MDGA2: variants seen among roughly 807,000 people sequenced by gnomAD.
The protein encoded by MDGA2 is MAM domain containing glycosylphosphatidylinositol anchor 2.
A neutral mutation model predicts 117.8 loss-of-function variants in MDGA2; 40 were observed. The observed-to-expected ratio is 0.34, with a 90% CI of 0.26 to 0.44. MDGA2 has a LOEUF of 0.44. Among genes scored for constraint, MDGA2 ranks in the 20% least tolerant of loss-of-function variants. The pLI is 1.00. For missense variants in MDGA2, 1,123 were observed against 1,250.6 expected (o/e 0.90, Z 1.54); for synonymous variants, 452 against 439.0 (o/e 1.03, Z -0.37).
chr14:46,967,734 G>A (rs1404666535), intron 8 of MDGA2, among the ~76,000 whole-genome samples: 1 of 152,118 alleles, frequency 6.6e-6, no homozygotes, highest in Non-Finnish European at 1.5e-5. Context: ...CTTGCAGATA[G>A]TACTGAACAC....
chr14:47,381,732 A>G (rs1329565642), intron 1 of MDGA2, among the ~76,000 whole-genome samples: 1 of 152,230 alleles, frequency 6.6e-6, no homozygotes, highest in Non-Finnish European at 1.5e-5. Flanking sequence ...AAATGGAAGA[A>G]CATTCCATGC....
At chr14:47,666,782 G>C (rs1897979914) in intron 1 of MDGA2, among the ~76,000 whole-genome samples, 1 of 152,048 alleles carries the variant, frequency 6.6e-6, no homozygotes, top group Non-Finnish European at 1.5e-5. Context: ...TCACTCTTTG[G>C]GTACACATTG....
In MDGA2 at chr14:47,120,650, T is replaced by C. The variant is rs368067147; in HGVS notation, c.925+11064A>G. On this transcript the variant is annotated intron_variant, in intron 5 of 16. Coordinates refer to ENST00000399232, the MANE Select transcript of MDGA2 (RefSeq NM_001113498.3). ...GAACAGCTGAAATTACTGTGATGCT[T>C]TGGAAATAATTGCCACAACTGCAGA... 1.2e-3 allele frequency among the ~76,000 whole-genome samples: 186 copies of C among 152,306 alleles called. 1 individual carries two copies. Among genetic ancestry groups the C allele is most frequent in the African/African-American group, 4.1e-3 (172 of 41,570 alleles).
intron 3 of MDGA2, among the ~76,000 whole-genome samples, chr14:47,152,653 T>A (rs139804168): frequency 6.6e-6 from 1 of 151,908 alleles, no homozygotes; most frequent in Non-Finnish European, 1.5e-5. Flanking sequence ...AGTTTACAAG[T>A]AGCCTACAGT....
intron 1 of MDGA2, among the ~76,000 whole-genome samples, chr14:47,360,318 T>C (rs2138368442): frequency 6.7e-6 from 1 of 149,776 alleles, no homozygotes; most frequent in East Asian, 2.0e-4. Context: ...GCCATTGCAC[T>C]CCAGCCTGGG....
At chr14:46,956,348 G>C (rs1459552552) in intron 9 of MDGA2, among the ~76,000 whole-genome samples, 1 of 151,838 alleles carries the variant, frequency 6.6e-6, no homozygotes, top group African/African-American at 2.4e-5. Flanking sequence ...ATAATGTACA[G>C]TATATAGATT....
At chr14:47,539,329 C>A (rs2138750666) in intron 1 of MDGA2, among the ~76,000 whole-genome samples, 1 of 152,280 alleles carries the variant, frequency 6.6e-6, no homozygotes, top group Non-Finnish European at 1.5e-5. Context: ...CACACCAGAA[C>A]CAGGAAAAGA....
Position 47,096,934 on chromosome 14 carries a change from T to C in MDGA2, c.1115A>G (p.Asp372Gly), listed in dbSNP as rs1357722646. The C allele has an allele frequency of 1.2e-6, 2 of 1,613,134 alleles. No individual in the cohort carries two copies. Among genetic ancestry groups the C allele is most frequent in the Middle Eastern group, 1.6e-4 (1 of 6,082 alleles). ...AATGCAGCTGTAAGTACCAGCATCA[T>C]CTGAGGTGATGGCAGGTATGGTCAA... ...GTLTIPAITS[D>G]DAGTYSCIAN... Residue 372 changes from aspartate to glycine, a missense_variant, in exon 6 of 17, where the codon GAT becomes GGT. Asp to Gly is a moderately conservative substitution (Grantham distance 94). This residue lies in a region of MDGA2 where 890 missense variants were observed against 1,050.3 expected (regional missense o/e 0.85). Coordinates refer to ENST00000399232, the MANE Select transcript of MDGA2 (RefSeq NM_001113498.3).
intron 1 of MDGA2, among the ~76,000 whole-genome samples, chr14:47,312,813 A>G (rs1889685009): frequency 6.8e-6 from 1 of 146,492 alleles, no homozygotes; most frequent in African/African-American, 2.5e-5. Context: ...TTCAGGCATG[A>G]GCCACCATGC....
intron 1 of MDGA2, among the ~76,000 whole-genome samples, chr14:47,494,740 A>G (rs1238193915): frequency 6.6e-6 from 1 of 151,732 alleles, no homozygotes; most frequent in Non-Finnish European, 1.5e-5. Flanking sequence ...TTTTCTGTAT[A>G]TGGTTATCCA....
In MDGA2 at chr14:47,383,983, T is replaced by TGATAGATAGATAGATAGATA. The variant is rs11439713; in HGVS notation, c.281-82453_281-82434dup. Among the ~76,000 whole-genome samples the TGATAGATAGATAGATAGATA allele has an allele frequency of 9.9e-3, 1,408 of 141,750 alleles. 12 individuals carry two copies. Among genetic ancestry groups the TGATAGATAGATAGATAGATA allele is most frequent in the South Asian group, 0.011 (47 of 4,128 alleles). The allele number at this position is 141,750 out of a possible 152,430, so 93.0% of individuals were successfully genotyped here. Reference sequence around the variant, plus strand: ...CTATGTATAGAGTTAAATAGATAGATGATAGATAGATAGATAGATAGATAG... The same window carrying TGATAGATAGATAGATAGATA: ...CTATGTATAGAGTTAAATAGATAGATGATAGATAGATAGATAGATAGATAGATAGATAGATAGATAGATAG... On this transcript the variant is annotated intron_variant, in intron 1 of 16. Coordinates refer to ENST00000399232, the MANE Select transcript of MDGA2 (RefSeq NM_001113498.3).
chr14:47,492,980 T>C (rs1894203345), intron 1 of MDGA2, among the ~76,000 whole-genome samples: 1 of 152,150 alleles, frequency 6.6e-6, no homozygotes, highest in Non-Finnish European at 1.5e-5. Context: ...TTTTCTCTAA[T>C]GCTACATTTA....
intron 1 of MDGA2, among the ~76,000 whole-genome samples, chr14:47,445,069 G>A (rs777506731): frequency 6.6e-6 from 1 of 152,068 alleles, no homozygotes; most frequent in Non-Finnish European, 1.5e-5. Context: ...GAGAGAAAGT[G>A]GAAAAGATGG....
At chr14:47,599,818 T>C (rs1001742740) in intron 1 of MDGA2, among the ~76,000 whole-genome samples, 4 of 152,154 alleles carry the variant, frequency 2.6e-5, no homozygotes, top group African/African-American at 9.7e-5. Context: ...GATTATTCTG[T>C]GTCATCGTCC....
In MDGA2 at chr14:47,348,167, A is replaced by ATGTG. The variant is rs56850503; in HGVS notation, c.281-46621_281-46618dup. On this transcript the variant is annotated intron_variant, in intron 1 of 16. Coordinates refer to ENST00000399232, the MANE Select transcript of MDGA2 (RefSeq NM_001113498.3). ...TCTCTCTCTCTCTCTCTCTCTGTAT[A>ATGTG]TGTGTGTGTGTGTGTGTGTGTGTGT... Among the ~76,000 whole-genome samples the ATGTG allele has an allele frequency of 5.5e-3, 794 of 143,432 alleles. 3 individuals are homozygous for ATGTG. Among genetic ancestry groups the ATGTG allele is most frequent in the East Asian group, 0.027 (130 of 4,848 alleles). The allele number at this position is 143,432 out of a possible 152,430, so 94.1% of individuals were successfully genotyped here.
At chr14:46,977,264 T>C (rs906972956) in intron 8 of MDGA2, among the ~76,000 whole-genome samples, 4 of 151,754 alleles carry the variant, frequency 2.6e-5, no homozygotes, top group Non-Finnish European at 4.4e-5. Context: ...CACTAGTCAT[T>C]CTAGGATTCA....
chr14:47,138,448 G>C (rs762431911), intron 4 of MDGA2, among the ~76,000 whole-genome samples: 1 of 151,902 alleles, frequency 6.6e-6, no homozygotes, highest in Non-Finnish European at 1.5e-5. Flanking sequence ...AAAAGTTCTA[G>C]ACTAATGGAA....
chr14:47,402,911 T>C (rs1265407011), intron 1 of MDGA2, among the ~76,000 whole-genome samples: 1 of 152,202 alleles, frequency 6.6e-6, no homozygotes, highest in Non-Finnish European at 1.5e-5. Context: ...TCCTCACCTA[T>C]CTGTGAATTC....
chr14:47,054,798 A>C (rs949042402), intron 7 of MDGA2, among the ~76,000 whole-genome samples: 2 of 151,844 alleles, frequency 1.3e-5, no homozygotes, highest in Non-Finnish European at 2.9e-5. Flanking sequence ...CTGGCTAGCC[A>C]TATGTAGAAA....
Sources: allele counts gnomAD v4.1 joint callset (sites outside exome capture counted in the v4.1 genomes callset), GRCh38; gene constraint gnomAD v4.1.1; regional missense constraint gnomAD v4.1.1; transcripts MANE v1.5; gene names NCBI Gene and HGNC (gene_info 2026-07-23, HGNC 2026-07-21).